SCAF4: variants seen among roughly 807,000 people sequenced by gnomAD.
SCAF4 encodes the protein SR-related CTD associated factor 4, also known as SR-related and CTD-associated factor 4.
In SCAF4, 25 loss-of-function variants were observed where a neutral mutation model predicts 129.8. That is an observed-to-expected ratio of 0.19 (90% CI 0.14 to 0.27). The LOEUF (loss-of-function observed/expected upper bound fraction) is 0.27. Ranked by LOEUF, SCAF4 falls within the 10% of genes least tolerant of loss-of-function variation. The pLI is 1.00. For missense variants in SCAF4, 1,246 were observed against 1,457.1 expected (o/e 0.86, Z 2.36); for synonymous variants, 551 against 497.7 (o/e 1.11, Z -1.43).
intron 1 of SCAF4, among the ~76,000 whole-genome samples, chr21:31,711,187 A>G (rs1202152916): frequency 6.6e-6 from 1 of 152,236 alleles, no homozygotes; most frequent in African/African-American, 2.4e-5. Flanking sequence ...TGCATTTGAT[A>G]TAATTTACGA....
intron 1 of SCAF4, among the ~76,000 whole-genome samples, chr21:31,730,617 C>T (rs919924660): frequency 6.6e-6 from 1 of 152,204 alleles, no homozygotes; most frequent in Non-Finnish European, 1.5e-5. Context: ...TTCAATGTTG[C>T]TTTATCTTTG....
rs1231277400 is a variant in SCAF4 at position 31,671,665 on chromosome 21, C to G, written c.3178G>C (p.Glu1060Gln). ...GACTCTCTATCTCTAGAATCTCTCT[C>G]TCTGTCTCGATGCCCACTAGAGCGT... is the stretch of plus-strand genomic sequence containing the variant. ...NRRSSGHRDR[E>Q]RDSRDRESRR... is the part of the protein sequence containing the mutation. Residue 1060 changes from glutamate (E) to glutamine (Q), a missense_variant, in exon 20 of 20, where the codon GAG (glutamate) becomes CAG (glutamine). Glu to Gln is a conservative substitution (Grantham distance 29). Transcript: ENST00000286835. The G allele has an allele frequency of 5.6e-6, 9 of 1,613,976 alleles. 1 individual carries two copies. The highest frequency in any genetic ancestry group is 3.3e-5 in the South Asian group (3 of 91,084).
In SCAF4 at chr21:31,691,935, TC is replaced by T; in HGVS notation, c.1615-6del. On this transcript the variant is annotated splice_polypyrimidine_tract_variant and splice_region_variant and intron_variant, in intron 13 of 19. Coordinates refer to ENST00000286835, the MANE Select transcript of SCAF4 (RefSeq NM_020706.2). ...ACAACCCCTGGGAGGAATCATCTGC[TC>T]CAAAACATTTTAATATTATAAAAGA... 1 of 1,417,408 alleles carries T rather than the reference TC, an allele frequency of 7.1e-7. No individual in the cohort carries two copies. The highest frequency in any genetic ancestry group is 9.8e-7 in the Non-Finnish European group (1 of 1,021,010). The allele number at this position is 1,417,408 out of a possible 1,614,324, so 87.8% of individuals were successfully genotyped here. A position where few individuals can be genotyped will look rare whatever the true frequency, so the allele number is the denominator to read the frequency against.
chr21:31,728,244 T>C (rs901446810), intron 1 of SCAF4, among the ~76,000 whole-genome samples: 5 of 152,208 alleles, frequency 3.3e-5, no homozygotes, highest in African/African-American at 1.2e-4. Flanking sequence ...ATACATATAA[T>C]ACAAACAAAC....
At chr21:31,716,103 T>C (rs1024518617) in intron 1 of SCAF4, among the ~76,000 whole-genome samples, 1 of 152,178 alleles carries the variant, frequency 6.6e-6, no homozygotes, top group Admixed American at 6.5e-5. Flanking sequence ...TAGAAGACTA[T>C]ATACTAATCT....
chr21:31,685,815 G>T, intron 16 of SCAF4, 82 bp from the exon 17 acceptor site: 1 of 1,329,304 alleles, frequency 7.5e-7, no homozygotes, highest in Non-Finnish European at 1.0e-6. Flanking sequence ...AGAGCAAACT[G>T]TTGAAAAAAT....
Position 31,671,510 on chromosome 21 carries a change from C to G in SCAF4, c.3333G>C (p.Lys1111Asn). Residue 1111 changes from lysine to asparagine, a missense_variant, in exon 20 of 20, where the codon AAG (lysine) becomes AAC (asparagine). By Grantham distance (94) the Lys-to-Asn change is moderately conservative. Transcript: ENST00000286835. Reference sequence around the variant, plus strand: ...TTAGGACTGCAGCCTCAGACACCCCCTTCTCAAGTTCTGAAGCAGTGTCTA... The same window carrying G: ...TTAGGACTGCAGCCTCAGACACCCCGTTCTCAAGTTCTGAAGCAGTGTCTA... ...GNVDTASELE[K>N]GVSEAAVLKP... The G allele has an allele frequency of 1.2e-6, 2 of 1,614,198 alleles. No individual in the cohort carries two copies. The highest frequency in any genetic ancestry group is 1.7e-6 in the Non-Finnish European group (2 of 1,180,028).
At chr21:31,680,313 T>C (rs1318928139) in intron 19 of SCAF4, among the ~76,000 whole-genome samples, 3 of 152,264 alleles carry the variant, frequency 2.0e-5, no homozygotes, top group Non-Finnish European at 4.4e-5. Flanking sequence ...TGTAAATTCA[T>C]ATCCACGCCA....
chr21:31,678,537 A>T (rs1401577402), intron 19 of SCAF4, among the ~76,000 whole-genome samples: 1 of 144,030 alleles, frequency 6.9e-6, no homozygotes, highest in East Asian at 1.9e-4. Context: ...TGCACATCAG[A>T]TCATGGCATG....
At chr21:31,690,147 C>T (rs751272593) in intron 15 of SCAF4, among the ~76,000 whole-genome samples, 1 of 152,136 alleles carries the variant, frequency 6.6e-6, no homozygotes, top group Non-Finnish European at 1.5e-5. Context: ...CTTCTCTGGA[C>T]ATCTAAAACT....
chr21:31,682,483 G>A (rs2050020121), intron 19 of SCAF4, among the ~76,000 whole-genome samples: 1 of 152,096 alleles, frequency 6.6e-6, no homozygotes, highest in African/African-American at 2.4e-5. Flanking sequence ...TCTTCTCTAG[G>A]TCTTATAAAT....
intron 1 of SCAF4, among the ~76,000 whole-genome samples, chr21:31,717,904 T>TACACACACACACACAC (rs35191665): frequency 1.7e-5 from 2 of 117,944 alleles, no homozygotes; most frequent in African/African-American, 7.1e-5. Context: ...TACACATATA[T>TACACACACACACACAC]ACACACACAC....
At chr21:31,719,783 C>CGTG (rs1305686823) in intron 1 of SCAF4, among the ~76,000 whole-genome samples, 1 of 152,158 alleles carries the variant, frequency 6.6e-6, no homozygotes, top group African/African-American at 2.4e-5. Flanking sequence ...GGATTACAGG[C>CGTG]GTGAGCCACC....
intron 7 of SCAF4, among the ~76,000 whole-genome samples, chr21:31,697,312 T>C (rs936032603): frequency 2.6e-5 from 4 of 152,082 alleles, no homozygotes; most frequent in African/African-American, 7.2e-5. Flanking sequence ...TACCAGAAAC[T>C]TTCATGTAAA....
rs2049836303 is a variant in SCAF4, at chr21:31,675,695, A to G, written c.2489-3341T>C. 2.0e-5 allele frequency among the ~76,000 whole-genome samples: 3 copies of G among 152,326 alleles called. No homozygotes were observed. The South Asian group carries it at 6.2e-4, about 32-fold the overall frequency. On this transcript the variant is annotated intron_variant, in intron 19 of 19. Transcript: ENST00000286835. ...TGATGGCTCTAAGTGCCTGAATTCA[A>G]ATTTGGGAAGTATGGAAAACACACT...
intron 19 of SCAF4, among the ~76,000 whole-genome samples, chr21:31,680,619 A>C (rs934120687): frequency 2.0e-5 from 3 of 152,210 alleles, no homozygotes; most frequent in Non-Finnish European, 4.4e-5. Flanking sequence ...AAACAAAATT[A>C]AAACACAAAA....
chr21:31,694,769 A>G, intron 10 of SCAF4, 44 bp downstream of exon 10: 1 of 1,583,268 alleles, frequency 6.3e-7, no homozygotes, highest in Middle Eastern at 1.7e-4. Flanking sequence ...CATATAAGTC[A>G]AGGCAACAAA....
At chr21:31,676,671 A>T (rs1259274260) in intron 19 of SCAF4, among the ~76,000 whole-genome samples, 1 of 152,140 alleles carries the variant, frequency 6.6e-6, no homozygotes, top group African/African-American at 2.4e-5. Context: ...GTCTACTCTT[A>T]GTTGTTTTGT....
chr21:31,680,380 G>C (rs2049968439), intron 19 of SCAF4, among the ~76,000 whole-genome samples: 1 of 152,150 alleles, frequency 6.6e-6, no homozygotes. Flanking sequence ...CAATGAACAA[G>C]GTTATATACT....
Sources: allele counts gnomAD v4.1 joint callset (sites outside exome capture counted in the v4.1 genomes callset), GRCh38; gene constraint gnomAD v4.1.1; transcripts MANE v1.5; gene names NCBI Gene and HGNC (gene_info 2026-07-23, HGNC 2026-07-21).